The following NEK10 variants were observed in gnomAD, a reference collection of about 807,000 sequenced individuals.
NEK10 encodes the protein serine/threonine-protein kinase Nek10.
In NEK10, 122 loss-of-function variants were observed where a neutral mutation model predicts 159.8. The observed-to-expected ratio is 0.76, with a 90% CI of 0.66 to 0.89. The LOEUF is 0.89. Ranked by LOEUF, NEK10 falls within the 40% of genes least tolerant of loss-of-function variation. The pLI is 0.00. For synonymous variants in NEK10, 466 were observed against 457.1 expected, an observed-to-expected ratio of 1.02 and a Z score of -0.25; for missense variants, 1,342 against 1,323.1, an observed-to-expected ratio of 1.01 and a Z score of -0.22.
At chr3:27,215,842 AGAGCAG>A in intron 23 of NEK10, 1 of 717,550 alleles carries the variant, frequency 1.4e-6, no homozygotes. Context: ...TTATGTGGCC[AGAGCAG>A]GAGCAGGAGA....
intron 22 of NEK10, among the ~76,000 whole-genome samples, chr3:27,264,797 G>A (rs2040742146): frequency 6.6e-6 from 1 of 152,056 alleles, no homozygotes; most frequent in Non-Finnish European, 1.5e-5. Flanking sequence ...AGGAGGCTGA[G>A]ACAGGGGAAT....
At chr3:27,252,156 G>A (rs896402714) in intron 23 of NEK10, 9 of 466,582 alleles carry the variant, frequency 1.9e-5, no homozygotes, top group Admixed American at 6.6e-5. Flanking sequence ...TATGCTTATG[G>A]AGCTTGTGTG....
intron 3 of NEK10, 22 bp from the exon 4 acceptor site, chr3:27,346,238 G>A (rs767874874): frequency 1.3e-5 from 21 of 1,612,634 alleles, no homozygotes; most frequent in Non-Finnish European, 1.8e-5. Flanking sequence ...GAAGCATAGA[G>A]TACATGAGGA....
intron 5 of NEK10, among the ~76,000 whole-genome samples, chr3:27,323,786 G>T (rs1469924368): frequency 1.3e-5 from 2 of 152,178 alleles, no homozygotes; most frequent in African/African-American, 4.8e-5. Flanking sequence ...AGCAAAGAAT[G>T]ATTTAGTTGC....
intron 1 of NEK10, among the ~76,000 whole-genome samples, chr3:27,355,512 G>T (rs1237777864): frequency 6.6e-6 from 1 of 151,922 alleles, no homozygotes; most frequent in Non-Finnish European, 1.5e-5. Flanking sequence ...AAGTTCAGGG[G>T]ACATTCTTGG....
At chr3:27,172,696 A>C (rs1019984011) in intron 28 of NEK10, among the ~76,000 whole-genome samples, 1 of 152,208 alleles carries the variant, frequency 6.6e-6, no homozygotes, top group African/African-American at 2.4e-5. Flanking sequence ...TTTAATGACT[A>C]CACATTCTAT....
intron 22 of NEK10, among the ~76,000 whole-genome samples, chr3:27,273,923 CCT>C (rs1408816517): frequency 2.0e-5 from 3 of 147,286 alleles, no homozygotes; most frequent in African/African-American, 5.4e-5. Context: ...TCAACGAACC[CCT>C]GTCTCACTGA....
intron 6 of NEK10, among the ~76,000 whole-genome samples, chr3:27,320,916 A>G (rs1325926994): frequency 6.6e-6 from 1 of 152,218 alleles, no homozygotes; most frequent in African/African-American, 2.4e-5. Flanking sequence ...CTTCTGAAAT[A>G]CGAGGGAAGT....
At chr3:27,121,358 T>TAGAAA (rs1941277271) in intron 32 of NEK10, among the ~76,000 whole-genome samples, 3 of 152,226 alleles carry the variant, frequency 2.0e-5, no homozygotes, top group African/African-American at 7.2e-5. Context: ...TTAGAAATTT[T>TAGAAA]CATCATCGGT....
chr3:27,266,170 G>A (rs995294720), intron 22 of NEK10, among the ~76,000 whole-genome samples: 1 of 152,116 alleles, frequency 6.6e-6, no homozygotes, highest in African/African-American at 2.4e-5. Context: ...GTTTTTCAAA[G>A]AATAGAAGTT....
chr3:27,134,937 G>T (rs79471450), intron 31 of NEK10, among the ~76,000 whole-genome samples: 5 of 152,038 alleles, frequency 3.3e-5, no homozygotes, highest in Admixed American at 2.0e-4. Flanking sequence ...TCATTTATGC[G>T]CAGTCTCACT....
chr3:27,268,406 C>T (rs910055238), intron 22 of NEK10, among the ~76,000 whole-genome samples: 6 of 152,198 alleles, frequency 3.9e-5, no homozygotes, highest in African/African-American at 1.4e-4. Flanking sequence ...CTTCAAAGAA[C>T]AGGCTGGCTC....
chr3:27,287,642 A>C (rs1202669879), intron 20 of NEK10, 56 bp downstream of exon 20: 24 of 1,531,134 alleles, frequency 1.6e-5, no homozygotes, highest in Non-Finnish European at 1.9e-5. Context: ...TGATACAAAA[A>C]TATATGTGAC....
In NEK10 at chr3:27,106,592, T is replaced by TAAGA. The variant is rs887913192; in HGVS notation, c.*4676_*4679dup. Among the ~76,000 whole-genome samples the TAAGA allele has an allele frequency of 4.9e-4, 75 of 152,340 alleles. No homozygotes were observed. The highest frequency in any genetic ancestry group is 1.6e-3 in the African/African-American group (67 of 41,586). ...TGAAATGCAGAGCTAAATCATGGGT[T>TAAGA]AAGAATATCATTTTGTAAGTGACCT... On this transcript the variant is annotated 3_prime_UTR_variant, in exon 36 of 36. Transcript: ENST00000691995.
intron 6 of NEK10, among the ~76,000 whole-genome samples, chr3:27,316,642 A>G (rs965810414): frequency 6.6e-6 from 1 of 152,156 alleles, no homozygotes; most frequent in African/African-American, 2.4e-5. Flanking sequence ...TGGTAATGTT[A>G]TTTTTAAATG....
intron 23 of NEK10, chr3:27,215,742 G>T (rs1339668667): frequency 2.8e-6 from 2 of 711,084 alleles, no homozygotes; most frequent in Non-Finnish European, 5.2e-6. Context: ...GGTTCTGCAG[G>T]CTGTACAGGA....
chr3:27,184,965 A>T (rs112717221), intron 26 of NEK10, among the ~76,000 whole-genome samples: 2 of 151,946 alleles, frequency 1.3e-5, no homozygotes. Context: ...AATTTGCATT[A>T]AAAAAATGAG....
intron 23 of NEK10, among the ~76,000 whole-genome samples, chr3:27,241,296 A>T (rs1954537007): frequency 6.6e-6 from 1 of 152,178 alleles, no homozygotes. Context: ...TTTCATTGTT[A>T]ACTTGAAGCA....
chr3:27,121,981 T>A (rs1003579765), intron 32 of NEK10, among the ~76,000 whole-genome samples: 2 of 152,178 alleles, frequency 1.3e-5, no homozygotes, highest in Non-Finnish European at 2.9e-5. Flanking sequence ...AAAAATTAAT[T>A]TTTTCCATCA....
Sources: gnomAD v4.1 joint callset for allele counts (sites outside exome capture counted in the v4.1 genomes callset) on GRCh38, gnomAD v4.1.1 for gene constraint, MANE v1.5 for transcripts, NCBI Gene and HGNC (gene_info 2026-07-23, HGNC 2026-07-21) for gene names.